Variants in RALYL observed in about 807,000 individuals in gnomAD.
RALYL encodes the protein RALY RNA binding protein like, also known as RNA-binding Raly-like protein.
Under a neutral mutation model 35.1 loss-of-function variants are expected in RALYL, and 29 were observed. The ratio of observed to expected loss-of-function variants is 0.83; its 90% CI spans 0.61 to 1.13. The LOEUF is 1.13. Ranked by LOEUF, RALYL falls within the 50% of genes most tolerant of loss-of-function variation. RALYL has a pLI of 0.00. For synonymous variants in RALYL, 120 were observed against 127.6 expected, an observed-to-expected ratio of 0.94 and a Z score of 0.40; for missense variants, 359 against 360.4, an observed-to-expected ratio of 1.00 and a Z score of 0.03.
chr8:84,433,671 G>T (rs892228489), intron 1 of RALYL, among the ~76,000 whole-genome samples: 2 of 151,866 alleles, frequency 1.3e-5, no homozygotes, highest in Non-Finnish European at 2.9e-5. Flanking sequence ...GTAAGAAGTG[G>T]CTTTCACCTT....
intron 1 of RALYL, among the ~76,000 whole-genome samples, chr8:84,421,408 AC>A: frequency 8.9e-6 from 1 of 112,386 alleles, no homozygotes; most frequent in Non-Finnish European, 1.8e-5. Flanking sequence ...GTATCCTGAG[AC>A]TTTGCTGAAG....
chr8:84,659,852 G>C (rs908679689), intron 2 of RALYL, among the ~76,000 whole-genome samples: 1 of 152,044 alleles, frequency 6.6e-6, no homozygotes, highest in Non-Finnish European at 1.5e-5. Flanking sequence ...ATAGATAACC[G>C]ATATTTTGAA....
intron 2 of RALYL, among the ~76,000 whole-genome samples, chr8:84,768,731 G>T (rs1441657188): frequency 1.3e-5 from 2 of 152,166 alleles, no homozygotes; most frequent in Non-Finnish European, 2.9e-5. Context: ...AAGTCGAACT[G>T]TCATAACTCG....
chr8:84,734,435 T>C (rs1033810058), intron 2 of RALYL, among the ~76,000 whole-genome samples: 1 of 152,170 alleles, frequency 6.6e-6, no homozygotes, highest in South Asian at 2.1e-4. Flanking sequence ...AAATAATTCC[T>C]TCACTATTTC....
chr8:84,833,913 C>T (rs918575074), intron 4 of RALYL, among the ~76,000 whole-genome samples: 2 of 151,274 alleles, frequency 1.3e-5, no homozygotes, highest in Admixed American at 1.3e-4. Context: ...AAATGCTAAG[C>T]CTTCAGTAAA....
chr8:84,637,245 T>C (rs1825254652), intron 2 of RALYL, among the ~76,000 whole-genome samples: 1 of 151,924 alleles, frequency 6.6e-6, no homozygotes, highest in South Asian at 2.1e-4. Flanking sequence ...TTTTGTTTAT[T>C]CTAGGACAGT....
intron 2 of RALYL, among the ~76,000 whole-genome samples, chr8:84,681,385 A>G (rs939047331): frequency 5.3e-5 from 8 of 152,192 alleles, no homozygotes; most frequent in Non-Finnish European, 7.3e-5. Flanking sequence ...AATTCTGTGA[A>G]GAAAGTTATT....
intron 1 of RALYL, among the ~76,000 whole-genome samples, chr8:84,236,454 G>A (rs1328045098): frequency 1.3e-5 from 2 of 152,078 alleles, no homozygotes; most frequent in African/African-American, 4.8e-5. Context: ...TTCCTTTATT[G>A]CCATTCAGTG....
chr8:84,717,712 G>C (rs1342690086), intron 2 of RALYL, among the ~76,000 whole-genome samples: 1 of 152,106 alleles, frequency 6.6e-6, no homozygotes, highest in East Asian at 1.9e-4. Context: ...ATCTGGAATT[G>C]CATAAGATGC....
At chr8:84,297,010 G>A (rs1313142294) in intron 1 of RALYL, among the ~76,000 whole-genome samples, 1 of 151,254 alleles carries the variant, frequency 6.6e-6, no homozygotes, top group Non-Finnish European at 1.5e-5. Context: ...GAAGAATAAC[G>A]TGTTGTATGA....
intron 1 of RALYL, among the ~76,000 whole-genome samples, chr8:84,293,101 G>A (rs184088495): frequency 1.1e-4 from 16 of 152,196 alleles, no homozygotes; most frequent in Admixed American, 3.3e-4. Context: ...AATGGAAAAC[G>A]TGGATGGCAG....
intron 2 of RALYL, among the ~76,000 whole-genome samples, chr8:84,594,397 T>C (rs949703019): frequency 2.0e-5 from 3 of 152,040 alleles, no homozygotes; most frequent in African/African-American, 7.2e-5. Flanking sequence ...TTCTTTCTTT[T>C]TTGATCCAAA....
intron 2 of RALYL, among the ~76,000 whole-genome samples, chr8:84,545,520 G>T (rs763639216): frequency 6.6e-5 from 10 of 152,076 alleles, no homozygotes; most frequent in Non-Finnish European, 1.2e-4. Flanking sequence ...TGACAACTTT[G>T]TGATATTGGA....
At chr8:84,275,061 A>G (rs1214907307) in intron 1 of RALYL, among the ~76,000 whole-genome samples, 2 of 152,308 alleles carry the variant, frequency 1.3e-5, no homozygotes, top group East Asian at 1.9e-4. Flanking sequence ...ATGTAGTGCA[A>G]TACACAAACA....
At chr8:84,851,448 A>G (rs1394021422) in intron 5 of RALYL, among the ~76,000 whole-genome samples, 1 of 152,220 alleles carries the variant, frequency 6.6e-6, no homozygotes, top group African/African-American at 2.4e-5. Flanking sequence ...TATGCATATC[A>G]GAGATGAGGA....
At chr8:84,588,280 T>C (rs906819548) in intron 2 of RALYL, among the ~76,000 whole-genome samples, 1 of 152,194 alleles carries the variant, frequency 6.6e-6, no homozygotes, top group Non-Finnish European at 1.5e-5. Flanking sequence ...TGAGCTGTTA[T>C]GGTAAAACAC....
chr8:84,911,055 TA>T (rs1243746620), intron 8 of RALYL, among the ~76,000 whole-genome samples: 1 of 152,114 alleles, frequency 6.6e-6, no homozygotes, highest in Non-Finnish European at 1.5e-5. Flanking sequence ...AGTATTGATA[TA>T]TTAGATTGAA....
intron 4 of RALYL, among the ~76,000 whole-genome samples, chr8:84,821,781 A>C (rs185059802): frequency 6.6e-6 from 1 of 152,370 alleles, no homozygotes; most frequent in Admixed American, 6.5e-5. Context: ...AACTATTAGC[A>C]AAAGCCACAC....
chr8:84,833,636 C>G (rs1420102897), intron 4 of RALYL, among the ~76,000 whole-genome samples: 1 of 135,432 alleles, frequency 7.4e-6, no homozygotes, highest in Admixed American at 7.3e-5. Flanking sequence ...AGCATGACTT[C>G]GTCTCAAAAA....
Sources: gnomAD v4.1 joint callset for allele counts (sites outside exome capture counted in the v4.1 genomes callset) on GRCh38, gnomAD v4.1.1 for gene constraint, MANE v1.5 for transcripts, NCBI Gene and HGNC (gene_info 2026-07-23, HGNC 2026-07-21) for gene names.